The following RBFOX2 variants were observed in gnomAD, a reference collection of about 807,000 sequenced individuals.
RBFOX2 encodes the protein RNA binding protein fox-1 homolog 2.
In RBFOX2, 10 loss-of-function variants were observed where a neutral mutation model predicts 49.1. That is an observed-to-expected ratio of 0.20 (90% CI 0.13 to 0.35). RBFOX2 has a LOEUF of 0.35. RBFOX2 is among the 10% of genes least tolerant of loss of function. RBFOX2 has a pLI of 1.00. For missense variants in RBFOX2, 323 were observed against 486.9 expected (o/e 0.66, Z 3.17); for synonymous variants, 183 against 187.4 (o/e 0.98, Z 0.19).
At chr22:35,818,323 T>C (rs777419394) in intron 1 of RBFOX2, among the ~76,000 whole-genome samples, 2 of 152,236 alleles carry the variant, frequency 1.3e-5, no homozygotes, top group Non-Finnish European at 2.9e-5. Context: ...AATTAATAGT[T>C]AACTGTCTGT....
intron 1 of RBFOX2, among the ~76,000 whole-genome samples, chr22:36,020,896 G>T (rs186597905): frequency 1.3e-5 from 2 of 152,244 alleles, no homozygotes; most frequent in Non-Finnish European, 2.9e-5. Context: ...CCATTACTGG[G>T]TATATATCCA....
At chr22:35,810,704 TTATGA>T (rs1437443249) in intron 1 of RBFOX2, among the ~76,000 whole-genome samples, 10 of 152,212 alleles carry the variant, frequency 6.6e-5, no homozygotes, top group East Asian at 3.8e-4. Flanking sequence ...AGCAGTTTTA[TTATGA>T]TATAACTGTC....
At chr22:35,899,718 C>A (rs2048337639) in intron 1 of RBFOX2, among the ~76,000 whole-genome samples, 1 of 152,108 alleles carries the variant, frequency 6.6e-6, no homozygotes, top group South Asian at 2.1e-4. Flanking sequence ...AAAAACTCCA[C>A]ACTATAAAGA....
chr22:35,927,422 T>C (rs1338208809), intron 1 of RBFOX2, among the ~76,000 whole-genome samples: 1 of 151,914 alleles, frequency 6.6e-6, no homozygotes, highest in East Asian at 1.9e-4. Flanking sequence ...CTGACCAAAA[T>C]GGAGAAATCC....
At chr22:35,982,532 C>A (rs1200996957) in intron 1 of RBFOX2, among the ~76,000 whole-genome samples, 1 of 152,122 alleles carries the variant, frequency 6.6e-6, no homozygotes, top group African/African-American at 2.4e-5. Flanking sequence ...TGGTACAGGG[C>A]ATACGGGCGC....
intron 1 of RBFOX2, among the ~76,000 whole-genome samples, chr22:35,953,761 C>A (rs2055235482): frequency 6.6e-6 from 1 of 152,030 alleles, no homozygotes; most frequent in Admixed American, 6.6e-5. Flanking sequence ...GTACTTACAG[C>A]TTGAGATAAA....
intron 1 of RBFOX2, among the ~76,000 whole-genome samples, chr22:36,024,808 ATTTTT>A (rs543428209): frequency 2.0e-5 from 3 of 151,702 alleles, no homozygotes; most frequent in Non-Finnish European, 4.4e-5. Flanking sequence ...CTACGATAAG[ATTTTT>A]TTTATTTTTT....
At position 35,823,584 on chromosome 22, in the gene RBFOX2, T is replaced by G. The variant is rs144632448; in HGVS notation, c.28-13580A>C. Among the ~76,000 whole-genome samples, 13 of 152,362 alleles carry G rather than the reference T, an allele frequency of 8.5e-5. No individual in the cohort carries two copies. The East Asian group carries it at 2.5e-3, about 29-fold the overall frequency. Reference sequence around the variant, plus strand: ...ACCATCTTGACCCAGAAGTAATGATTTATTTTCTGCAAAACAAGATTTCAA... The same window carrying G: ...ACCATCTTGACCCAGAAGTAATGATGTATTTTCTGCAAAACAAGATTTCAA... On this transcript the variant is annotated intron_variant, in intron 1 of 11. Transcript: ENST00000405409.
chr22:36,013,674 A>G (rs1302743810), intron 1 of RBFOX2, among the ~76,000 whole-genome samples: 1 of 150,054 alleles, frequency 6.7e-6, no homozygotes, highest in East Asian at 1.9e-4. Context: ...GAGAGAGACC[A>G]CTAATGAAAA....
intron 1 of RBFOX2, among the ~76,000 whole-genome samples, chr22:35,834,317 G>A (rs1274651679): frequency 6.6e-6 from 1 of 152,156 alleles, no homozygotes; most frequent in Non-Finnish European, 1.5e-5. Flanking sequence ...AAAGTGCTTA[G>A]AACGGTATCT....
At chr22:35,881,394 C>G (rs930931622) in intron 1 of RBFOX2, among the ~76,000 whole-genome samples, 3 of 151,836 alleles carry the variant, frequency 2.0e-5, no homozygotes. Flanking sequence ...TGTGGCAACA[C>G]AGCCACAGAC....
intron 1 of RBFOX2, among the ~76,000 whole-genome samples, chr22:35,878,041 CACACACA>C (rs1269066342): frequency 1.0e-3 from 66 of 64,172 alleles, no homozygotes; most frequent in African/African-American, 2.4e-3. Flanking sequence ...ACTACTACTA[CACACACA>C]CACACACACA....
chr22:35,846,831 C>T (rs376371743), intron 1 of RBFOX2, among the ~76,000 whole-genome samples: 1 of 152,088 alleles, frequency 6.6e-6, no homozygotes, highest in African/African-American at 2.4e-5. Flanking sequence ...TTAAGCTGTC[C>T]TTGGCTACCC....
At chr22:35,911,221 G>A (rs1220910274) in intron 1 of RBFOX2, among the ~76,000 whole-genome samples, 1 of 152,142 alleles carries the variant, frequency 6.6e-6, no homozygotes, top group Non-Finnish European at 1.5e-5. Flanking sequence ...AAGCTACTAT[G>A]GGTTGGGGGA....
intron 2 of RBFOX2, among the ~76,000 whole-genome samples, chr22:35,788,366 CT>C (rs1429729855): frequency 6.6e-6 from 1 of 152,146 alleles, no homozygotes; most frequent in African/African-American, 2.4e-5. Context: ...GGATTATCCA[CT>C]TTCTTCAATA....
intron 1 of RBFOX2, chr22:35,993,114 G>A (rs2058048832): frequency 6.9e-6 from 1 of 144,038 alleles, no homozygotes; most frequent in African/African-American, 2.4e-5. Flanking sequence ...AAGACAGAAA[G>A]GACATAAACA....
At chr22:35,845,397 A>C (rs2041053928), upstream of RBFOX2, among the ~76,000 whole-genome samples, 1 of 138,820 alleles carries the variant, frequency 7.2e-6, no homozygotes, top group Non-Finnish European at 1.6e-5. Flanking sequence ...TTCACCATTC[A>C]AAAAAAAAAA....
At chr22:35,808,049 A>C (rs533028837) in intron 2 of RBFOX2, among the ~76,000 whole-genome samples, 21 of 152,250 alleles carry the variant, frequency 1.4e-4, no homozygotes, top group South Asian at 6.2e-4. Flanking sequence ...TGAAAAAAAA[A>C]CCCTGATAAT....
chr22:35,838,342 A>C (rs1395641057), intron 1 of RBFOX2, among the ~76,000 whole-genome samples: 1 of 151,982 alleles, frequency 6.6e-6, no homozygotes, highest in African/African-American at 2.4e-5. Context: ...GGCCACAAAT[A>C]AACACAGAAA....
Sources: gnomAD v4.1 joint callset for allele counts (sites outside exome capture counted in the v4.1 genomes callset) on GRCh38, gnomAD v4.1.1 for gene constraint, MANE v1.5 for transcripts, NCBI Gene and HGNC (gene_info 2026-07-23, HGNC 2026-07-21) for gene names.